The following SRD5A2 variants were observed in gnomAD, a reference collection of about 807,000 sequenced individuals.
SRD5A2 encodes the protein 3-oxo-5-alpha-steroid 4-dehydrogenase 2.
In SRD5A2, 30 loss-of-function variants were observed where a neutral mutation model predicts 27.4. The observed-to-expected ratio is 1.10, with a 90% CI of 0.82 to 1.49. SRD5A2 has a LOEUF of 1.49. Ranked by LOEUF, SRD5A2 falls within the 40% of genes most tolerant of loss-of-function variation. The pLI, the probability that SRD5A2 is intolerant of heterozygous loss-of-function variation, is 0.00. For missense variants in SRD5A2, 348 were observed against 323.4 expected (o/e 1.08, Z -0.58); for synonymous variants, 141 against 133.6 (o/e 1.06, Z -0.38).
the SRD5A2 span, among the ~76,000 whole-genome samples, chr2:31,592,397 A>G: frequency 6.6e-6 from 1 of 152,210 alleles, no homozygotes; most frequent in Non-Finnish European, 1.5e-5. Context: ...AGCATTTGAG[A>G]AAACGAGTGC....
intron 1 of SRD5A2, among the ~76,000 whole-genome samples, chr2:31,566,267 T>A (rs1335231130): frequency 6.6e-6 from 1 of 152,112 alleles, no homozygotes; most frequent in Non-Finnish European, 1.5e-5. Flanking sequence ...AAAGTCTCCA[T>A]TTATAACCTT....
At chr2:31,653,814 C>G in the SRD5A2 span, among the ~76,000 whole-genome samples, 1 of 152,170 alleles carries the variant, frequency 6.6e-6, no homozygotes, top group Non-Finnish European at 1.5e-5. Flanking sequence ...TGCCCGCCAC[C>G]ATGCCCAGCT....
the SRD5A2 span, among the ~76,000 whole-genome samples, chr2:31,608,660 C>A: frequency 6.6e-6 from 1 of 151,878 alleles, no homozygotes; most frequent in Non-Finnish European, 1.5e-5. Context: ...CAAAAACAAT[C>A]CATTTACAAT....
At chr2:31,584,774 G>A (rs780376912), upstream of SRD5A2, among the ~76,000 whole-genome samples, 4 of 152,220 alleles carry the variant, frequency 2.6e-5, no homozygotes, top group East Asian at 7.7e-4. Context: ...TCCACTGATT[G>A]TTTCCCCAAC....
At chr2:31,548,312 C>G (rs1247052918) in intron 1 of SRD5A2, among the ~76,000 whole-genome samples, 1 of 152,032 alleles carries the variant, frequency 6.6e-6, no homozygotes, top group Non-Finnish European at 1.5e-5. Flanking sequence ...GGGCAACCCA[C>G]AGAATGGGAG....
At chr2:31,548,996 T>G (rs1034763258) in intron 1 of SRD5A2, among the ~76,000 whole-genome samples, 3 of 151,810 alleles carry the variant, frequency 2.0e-5, no homozygotes, top group African/African-American at 7.2e-5. Context: ...TTCCATATGA[T>G]TCACTTATAT....
At chr2:31,610,500 T>C in the SRD5A2 span, among the ~76,000 whole-genome samples, 1 of 152,242 alleles carries the variant, frequency 6.6e-6, no homozygotes, top group African/African-American at 2.4e-5. Flanking sequence ...CAACATAATA[T>C]AAGTCATGTA....
chr2:31,561,995 T>G (rs1292006723), intron 1 of SRD5A2, among the ~76,000 whole-genome samples: 1 of 152,094 alleles, frequency 6.6e-6, no homozygotes, highest in Non-Finnish European at 1.5e-5. Context: ...ATCAAGAAAA[T>G]ACAAATATTG....
the SRD5A2 span, among the ~76,000 whole-genome samples, chr2:31,624,461 T>C: frequency 6.6e-6 from 1 of 152,012 alleles, no homozygotes; most frequent in Non-Finnish European, 1.5e-5. Flanking sequence ...TGTGCTGCAC[T>C]CATTAACTCA....
At position 31,580,792 on chromosome 2, in the gene SRD5A2, T is replaced by A; in HGVS notation, c.109A>T (p.Thr37Ser). The stretch of plus-strand genomic sequence containing the variant: ...GTAGCCGCCGGCTTCAGGCTCTCCG[T>A]GTGCTTCCCGTAGCCGGAGGGCTTC... ...VAKPSGYGKHTESLKPAATRL... is the reference protein window; with the variant it reads ...VAKPSGYGKHSESLKPAATRL... Residue 37 changes from threonine to serine, a missense_variant, in exon 1 of 5, where the codon ACG becomes TCG. Thr to Ser is a moderately conservative substitution (Grantham distance 58, BLOSUM62 1). Coordinates refer to ENST00000622030, the MANE Select transcript of SRD5A2 (RefSeq NM_000348.4). The A allele has an allele frequency of 6.2e-7, 1 of 1,612,282 alleles. No homozygotes were observed. Among genetic ancestry groups the A allele is most frequent in the Non-Finnish European group, 8.5e-7 (1 of 1,179,684 alleles).
chr2:31,622,660 T>C, the SRD5A2 span, among the ~76,000 whole-genome samples: 1 of 152,090 alleles, frequency 6.6e-6, no homozygotes, highest in African/African-American at 2.4e-5. Flanking sequence ...ACTTCTCAAA[T>C]GTAATGGTTT....
intron 1 of SRD5A2, among the ~76,000 whole-genome samples, chr2:31,562,288 C>T (rs1666640695): frequency 1.3e-5 from 2 of 151,910 alleles, no homozygotes; most frequent in Non-Finnish European, 1.5e-5. Context: ...TTATGTGGTA[C>T]ATGAGATATT....
the SRD5A2 span, among the ~76,000 whole-genome samples, chr2:31,596,460 T>C: frequency 6.6e-6 from 1 of 151,136 alleles, no homozygotes; most frequent in Non-Finnish European, 1.5e-5. Flanking sequence ...TTACCACTTC[T>C]ATTTAACATA....
chr2:31,623,667 C>T, the SRD5A2 span, among the ~76,000 whole-genome samples: 1 of 152,028 alleles, frequency 6.6e-6, no homozygotes, highest in Admixed American at 6.6e-5. Context: ...GTGAGGGCCT[C>T]CTTGTCTTGA....
chr2:31,595,565 G>T, the SRD5A2 span, among the ~76,000 whole-genome samples: 1 of 150,630 alleles, frequency 6.6e-6, no homozygotes, highest in African/African-American at 2.4e-5. Context: ...GTGAGAAAAA[G>T]TTGCCAAGGG....
At chr2:31,649,059 GACT>G in the SRD5A2 span, among the ~76,000 whole-genome samples, 1 of 152,082 alleles carries the variant, frequency 6.6e-6, no homozygotes, top group Non-Finnish European at 1.5e-5. Flanking sequence ...TCCACAGAGG[GACT>G]ATGTACTTAC....
chr2:31,560,362 T>TCCC (rs111308827), intron 1 of SRD5A2, among the ~76,000 whole-genome samples: 5,059 of 152,226 alleles, frequency 0.033, 255 homozygotes, highest in African/African-American at 0.12. Flanking sequence ...TGTCTAGAGC[T>TCCC]CCCATCTCCT....
At chr2:31,611,320 C>T in the SRD5A2 span, among the ~76,000 whole-genome samples, 6 of 151,974 alleles carry the variant, frequency 3.9e-5, no homozygotes, top group African/African-American at 7.2e-5. Flanking sequence ...AATTTGGGAT[C>T]GTTTGTTATG....
chr2:31,633,745 A>G, the SRD5A2 span, among the ~76,000 whole-genome samples: 1 of 152,016 alleles, frequency 6.6e-6, no homozygotes, highest in Non-Finnish European at 1.5e-5. Context: ...GAGCGGGGGG[A>G]CTGCAAGACA....
Sources: gnomAD v4.1 joint callset for allele counts (sites outside exome capture counted in the v4.1 genomes callset) on GRCh38, gnomAD v4.1.1 for gene constraint, MANE v1.5 for transcripts, NCBI Gene and HGNC (gene_info 2026-07-23, HGNC 2026-07-21) for gene names.